SLC28A1: variants seen among roughly 807,000 people sequenced by gnomAD.
SLC28A1 encodes the protein sodium/nucleoside cotransporter 1.
In SLC28A1, 64 loss-of-function variants were observed where a neutral mutation model predicts 74.8. That is an observed-to-expected ratio of 0.86 (90% confidence interval 0.70 to 1.05). The LOEUF is 1.05. SLC28A1 is among the 50% of genes least tolerant of loss of function. SLC28A1 has a pLI of 0.00. For missense variants in SLC28A1, 828 were observed against 822.8 expected, an observed-to-expected ratio of 1.01 and a Z score of -0.08; for synonymous variants, 359 against 335.0, an observed-to-expected ratio of 1.07 and a Z score of -0.78.
chr15:84,924,090 G>T lies in SLC28A1; in HGVS notation c.1063G>T (p.Gly355Cys), dbSNP rs1006724290. Reference sequence around the variant, plus strand: ...CGCCACCATTGCTGGCAGCCTGCTGGGTGCCTACATCTCCTTTGGGGTAGG... The same window carrying T: ...CGCCACCATTGCTGGCAGCCTGCTGTGTGCCTACATCTCCTTTGGGGTAGG... ...GYATIAGSLL[G>C]AYISFGIDAT... Residue 355 changes from glycine to cysteine, a missense_variant, in exon 12 of 19, where the codon GGT becomes TGT. By Grantham distance (159) the Gly-to-Cys change is radical. Coordinates refer to ENST00000394573, the MANE Select transcript of SLC28A1 (RefSeq NM_004213.5). 3.1e-6 allele frequency: 5 copies of T among 1,613,438 alleles called. No homozygotes were observed. The highest frequency in any genetic ancestry group is 1.7e-5 in the Admixed American group (1 of 59,952).
the SLC28A1 span, among the ~76,000 whole-genome samples, chr15:84,955,288 A>G: frequency 6.6e-6 from 1 of 152,338 alleles, no homozygotes; most frequent in African/African-American, 2.4e-5. Context: ...ATCCGAGAGC[A>G]TAATGGATGG....
intron 6 of SLC28A1, among the ~76,000 whole-genome samples, chr15:84,896,689 G>T (rs1966037431): frequency 6.6e-6 from 1 of 152,130 alleles, no homozygotes; most frequent in Non-Finnish European, 1.5e-5. Flanking sequence ...TTGGGCGCCT[G>T]TAATCCCAGC....
the SLC28A1 span, among the ~76,000 whole-genome samples, chr15:84,960,380 C>G: frequency 2.6e-5 from 4 of 151,714 alleles, no homozygotes; most frequent in African/African-American, 9.7e-5. Context: ...GCCTCAGCCT[C>G]CCAAGTAACT....
At chr15:84,891,844 G>A (rs1965405414) in intron 5 of SLC28A1, among the ~76,000 whole-genome samples, 1 of 152,180 alleles carries the variant, frequency 6.6e-6, no homozygotes, top group African/African-American at 2.4e-5. Context: ...TGTCAAGGAT[G>A]GGCATGAGTT....
chr15:84,944,060 C>G (rs1049759749), intron 16 of SLC28A1, among the ~76,000 whole-genome samples: 3 of 152,328 alleles, frequency 2.0e-5, no homozygotes, highest in Non-Finnish European at 4.4e-5. Flanking sequence ...CTTGCCTGTC[C>G]CCAAGGCTTT....
At chr15:84,956,770 G>A in the SLC28A1 span, among the ~76,000 whole-genome samples, 1 of 150,914 alleles carries the variant, frequency 6.6e-6, no homozygotes, top group African/African-American at 2.4e-5. Flanking sequence ...CTCCCAAAGT[G>A]CTGGGATTAC....
the SLC28A1 span, among the ~76,000 whole-genome samples, chr15:84,971,627 C>A: frequency 6.6e-6 from 1 of 151,016 alleles, no homozygotes; most frequent in South Asian, 2.1e-4. Context: ...CCAAATATAC[C>A]CCACCCCTCC....
At chr15:84,933,002 ATT>A in intron 12 of SLC28A1, 141 bp from the exon 13 acceptor site, 1 of 777,402 alleles carries the variant, frequency 1.3e-6, no homozygotes, top group East Asian at 2.6e-5. Context: ...TATTATTATT[ATT>A]AGTGATGACA....
At chr15:84,892,942 A>G (rs377468322) in intron 5 of SLC28A1, among the ~76,000 whole-genome samples, 92 of 152,214 alleles carry the variant, frequency 6.0e-4, no homozygotes, top group African/African-American at 2.1e-3. Context: ...CCCGTCCCCA[A>G]ACCAATCCCT....
the SLC28A1 span, among the ~76,000 whole-genome samples, chr15:84,966,150 T>C: frequency 6.6e-6 from 1 of 152,128 alleles, no homozygotes; most frequent in Non-Finnish European, 1.5e-5. Flanking sequence ...CAGTCTTGGC[T>C]CCCTGCAACC....
intron 9 of SLC28A1, among the ~76,000 whole-genome samples, chr15:84,911,858 CA>C (rs57067372): frequency 0.015 from 1,709 of 114,600 alleles, 19 homozygotes; most frequent in African/African-American, 0.044. Flanking sequence ...GACTCCATCT[CA>C]AAAAAAAAAA....
chr15:84,890,500 G>C lies in SLC28A1; in HGVS notation c.243G>C (p.Leu81=), dbSNP rs139048135. Residue 81 remains leucine, a synonymous_variant, in exon 5 of 19, where the codon CTG becomes CTC. Transcript: ENST00000394573. ...ARSFCREHMQ[L]FRWIGTGLLC... Reference sequence around the variant, plus strand: ...GCTTCTGCAGGGAGCACATGCAGCTGTTTCGATGGATCGGCACAGGCCTGC... The same window carrying C: ...GCTTCTGCAGGGAGCACATGCAGCTCTTTCGATGGATCGGCACAGGCCTGC... 13 of 1,611,288 alleles carry C rather than the reference G, an allele frequency of 8.1e-6. No individual in the cohort carries two copies. In the African/African-American group the frequency reaches 1.3e-4, roughly 17 times the overall value.
downstream of SLC28A1, among the ~76,000 whole-genome samples, chr15:84,946,190 A>C (rs1209956621): frequency 7.2e-6 from 1 of 138,334 alleles, no homozygotes; most frequent in Non-Finnish European, 1.5e-5. Flanking sequence ...CCTGGACTCA[A>C]GTAGTCTGCC....
At chr15:84,955,913 T>A in the SLC28A1 span, among the ~76,000 whole-genome samples, 7 of 152,208 alleles carry the variant, frequency 4.6e-5, no homozygotes, top group East Asian at 1.4e-3. Context: ...AGGGATAGGA[T>A]CCACAGCGAA....
intron 6 of SLC28A1, 75 bp from the exon 7 acceptor site, chr15:84,904,022 C>A: frequency 6.3e-7 from 1 of 1,593,898 alleles, no homozygotes. Flanking sequence ...TTCTCTGGGT[C>A]CCCGGGTGCT....
chr15:84,911,850 C>T (rs1369697531), intron 9 of SLC28A1, among the ~76,000 whole-genome samples: 1 of 88,796 alleles, frequency 1.1e-5, no homozygotes, highest in Non-Finnish European at 2.2e-5. Flanking sequence ...CAGAGTGAGA[C>T]TCCATCTCAA....
chr15:84,933,394 CT>C, intron 13 of SLC28A1, 119 bp downstream of exon 13: 1 of 1,268,792 alleles, frequency 7.9e-7, no homozygotes, highest in Non-Finnish European at 1.1e-6. Context: ...CATCTCTCCA[CT>C]TTTCCTGCTC....
chr15:84,902,100 T>C (rs1292087816), intron 6 of SLC28A1, among the ~76,000 whole-genome samples: 2 of 150,878 alleles, frequency 1.3e-5, no homozygotes, highest in African/African-American at 4.9e-5. Context: ...GTGAAAGAAG[T>C]CAAACAAAAA....
chr15:84,923,238 T>TGGTAATTGCTTTTAATAGCGTAGA (rs1970064430), intron 11 of SLC28A1, among the ~76,000 whole-genome samples: 1 of 152,160 alleles, frequency 6.6e-6, no homozygotes, highest in Non-Finnish European at 1.5e-5. Flanking sequence ...GTGCCTGGCC[T>TGGTAATTGCTTTTAATAGCGTAGA]ACTCAGTTTT....
Sources: allele counts gnomAD v4.1 joint callset (sites outside exome capture counted in the v4.1 genomes callset), GRCh38; gene constraint gnomAD v4.1.1; transcripts MANE v1.5; gene names NCBI Gene and HGNC (gene_info 2026-07-23, HGNC 2026-07-21).